Variants in GNAQ observed in about 807,000 individuals in gnomAD.
The protein encoded by GNAQ is G protein subunit alpha q, also known as guanine nucleotide-binding protein G(q) subunit alpha.
GNAQ carries 8 observed loss-of-function variants against 43.9 expected under a neutral mutation model. The ratio of observed to expected loss-of-function variants is 0.18; its 90% CI spans 0.11 to 0.33. The LOEUF is 0.33. GNAQ is among the 10% of genes least tolerant of loss of function. The probability of loss-of-function intolerance (pLI) is 1.00; values close to 1 mark genes in which losing one functional copy is unlikely to be tolerated. For synonymous variants in GNAQ, 155 were observed against 170.7 expected, an observed-to-expected ratio of 0.91 and a Z score of 0.71; for missense variants, 158 against 450.8, an observed-to-expected ratio of 0.35 and a Z score of 5.88.
At chr9:77,953,045 ATGT>A (rs750615116) in intron 1 of GNAQ, among the ~76,000 whole-genome samples, 1 of 152,226 alleles carries the variant, frequency 6.6e-6, no homozygotes, top group Non-Finnish European at 1.5e-5. Context: ...ATAAAGTATC[ATGT>A]TGTGTTCAGT....
intron 2 of GNAQ, among the ~76,000 whole-genome samples, chr9:77,916,317 T>C (rs998975511): frequency 2.0e-5 from 3 of 152,206 alleles, no homozygotes; most frequent in South Asian, 2.1e-4. Context: ...ATTATCTAGG[T>C]GGGAAATACT....
rs540425772 is a variant in GNAQ at position 77,825,525 on chromosome 9, T to C, written c.322-9755A>G. Among the ~76,000 whole-genome samples the C allele has an allele frequency of 2.0e-5, 3 of 152,304 alleles. No homozygotes were observed. The East Asian group carries it at 5.8e-4, about 29-fold the overall frequency. On this transcript the variant is annotated intron_variant, in intron 2 of 6. Coordinates refer to ENST00000286548, the MANE Select transcript of GNAQ (RefSeq NM_002072.5). ...CCACCATCTTTCAGACTGGAAGAGTTTGGCTGCCCCTAGTCACTTTTGTCC... is the reference window on the plus strand; with the variant it reads ...CCACCATCTTTCAGACTGGAAGAGTCTGGCTGCCCCTAGTCACTTTTGTCC...
At chr9:77,916,442 G>A (rs182695883) in intron 2 of GNAQ, among the ~76,000 whole-genome samples, 1 of 152,258 alleles carries the variant, frequency 6.6e-6, no homozygotes, top group African/African-American at 2.4e-5. Flanking sequence ...AAGTTTTCCA[G>A]AATCCTGGCT....
chr9:77,857,171 A>AACATGGAATTGACCAG (rs746961647), intron 2 of GNAQ, among the ~76,000 whole-genome samples: 7 of 152,216 alleles, frequency 4.6e-5, no homozygotes, highest in Non-Finnish European at 7.3e-5. Flanking sequence ...GAAAAACCCA[A>AACATGGAATTGACCAG]ACATGGAATT....
At chr9:77,894,992 A>G (rs1291737644) in intron 2 of GNAQ, among the ~76,000 whole-genome samples, 1 of 151,432 alleles carries the variant, frequency 6.6e-6, no homozygotes, top group Non-Finnish European at 1.5e-5. Flanking sequence ...GATTGAGACC[A>G]TCTTGGCTAA....
intron 6 of GNAQ, among the ~76,000 whole-genome samples, chr9:77,727,089 T>C (rs1243125040): frequency 4.8e-5 from 1 of 20,780 alleles, no homozygotes; most frequent in Admixed American, 5.6e-4. Flanking sequence ...TAAATAAACT[T>C]TTTTTTTTTT....
chr9:77,890,431 C>T (rs1162358051), intron 2 of GNAQ, among the ~76,000 whole-genome samples: 1 of 152,114 alleles, frequency 6.6e-6, no homozygotes, highest in Non-Finnish European at 1.5e-5. Flanking sequence ...TGTCATAAAA[C>T]TGCATTGCAA....
chr9:78,018,261 T>C (rs77369974), intron 1 of GNAQ, among the ~76,000 whole-genome samples: 9,175 of 152,176 alleles, frequency 0.06, 319 homozygotes, highest in African/African-American at 0.066. Context: ...ATATGAAGTC[T>C]ACATAGCCAC....
intron 1 of GNAQ, among the ~76,000 whole-genome samples, chr9:77,988,893 G>C: frequency 6.6e-6 from 1 of 152,180 alleles, no homozygotes; most frequent in East Asian, 1.9e-4. Context: ...TACTTCATAA[G>C]ATTTAGTAAG....
intron 1 of GNAQ, among the ~76,000 whole-genome samples, chr9:78,010,503 G>C (rs1009959397): frequency 6.6e-6 from 1 of 152,024 alleles, no homozygotes; most frequent in African/African-American, 2.4e-5. Flanking sequence ...TCAAGTATGG[G>C]GTGCATGCTT....
chr9:77,769,442 TA>T (rs975383145), intron 5 of GNAQ, among the ~76,000 whole-genome samples: 80 of 151,480 alleles, frequency 5.3e-4, no homozygotes, highest in Admixed American at 2.2e-3. Context: ...TGCCAAACAT[TA>T]TTGAAAGGGT....
intron 1 of GNAQ, among the ~76,000 whole-genome samples, chr9:77,970,185 A>G (rs866642041): frequency 6.6e-6 from 1 of 151,128 alleles, no homozygotes; most frequent in Non-Finnish European, 1.5e-5. Flanking sequence ...ATGCCACTCC[A>G]CTCCAGCCTA....
intron 2 of GNAQ, among the ~76,000 whole-genome samples, chr9:77,889,155 C>T (rs1828357960): frequency 6.6e-6 from 1 of 151,884 alleles, no homozygotes; most frequent in Non-Finnish European, 1.5e-5. Context: ...TGGCTCACAC[C>T]TGTAATCCCA....
chr9:77,866,286 T>C (rs991224040), intron 2 of GNAQ, among the ~76,000 whole-genome samples: 4 of 152,158 alleles, frequency 2.6e-5, no homozygotes, highest in Admixed American at 6.5e-5. Flanking sequence ...CAGACCAGCC[T>C]GGCCAACATG....
chr9:77,888,743 A>C (rs1314533539), intron 2 of GNAQ, among the ~76,000 whole-genome samples: 1 of 152,178 alleles, frequency 6.6e-6, no homozygotes, highest in Non-Finnish European at 1.5e-5. Context: ...TTTATGAGAA[A>C]GATGAGGAAA....
intron 1 of GNAQ, among the ~76,000 whole-genome samples, chr9:77,963,347 T>C (rs1373972215): frequency 6.6e-6 from 1 of 152,160 alleles, no homozygotes; most frequent in Non-Finnish European, 1.5e-5. Flanking sequence ...GAAATCTCAA[T>C]TGGTTCAACT....
At chr9:77,940,734 G>A (rs867270786) in intron 1 of GNAQ, among the ~76,000 whole-genome samples, 8 of 152,150 alleles carry the variant, frequency 5.3e-5, no homozygotes, top group African/African-American at 7.2e-5. Flanking sequence ...TTGGGAGGCC[G>A]AGGCAGGCGG....
chr9:77,966,347 T>A (rs1476981257), intron 1 of GNAQ, among the ~76,000 whole-genome samples: 1 of 152,190 alleles, frequency 6.6e-6, no homozygotes. Context: ...AAACTGTTAT[T>A]ACAAAATGTT....
intron 1 of GNAQ, among the ~76,000 whole-genome samples, chr9:78,021,320 C>T (rs1262556900): frequency 6.6e-6 from 1 of 152,042 alleles, no homozygotes; most frequent in African/African-American, 2.4e-5. Flanking sequence ...ACCACCACAC[C>T]TGGCAAAGCT....
Sources: gnomAD v4.1 joint callset for allele counts (sites outside exome capture counted in the v4.1 genomes callset) on GRCh38, gnomAD v4.1.1 for gene constraint, MANE v1.5 for transcripts, NCBI Gene and HGNC (gene_info 2026-07-23, HGNC 2026-07-21) for gene names.